GPC5: variants seen among roughly 807,000 people sequenced by gnomAD.
The protein encoded by GPC5 is glypican-5.
Under a neutral mutation model 53.9 loss-of-function variants are expected in GPC5, and 47 were observed. The ratio of observed to expected loss-of-function variants is 0.87; its 90% CI spans 0.69 to 1.11. The LOEUF (loss-of-function observed/expected upper bound fraction) is 1.11, where lower values mean the gene tolerates loss of function less well. Among genes scored for constraint, GPC5 ranks in the 50% most tolerant of loss-of-function variants. The pLI, the probability that GPC5 is intolerant of heterozygous loss-of-function variation, is 0.00. For missense variants in GPC5, 748 were observed against 713.1 expected (o/e 1.05, Z -0.56); for synonymous variants, 286 against 263.3 (o/e 1.09, Z -0.84).
chr13:91,584,068 T>G (rs77692227), intron 2 of GPC5, among the ~76,000 whole-genome samples: 1 of 152,018 alleles, frequency 6.6e-6, no homozygotes, highest in Non-Finnish European at 1.5e-5. Context: ...AAGTGGAAAT[T>G]GGGACACATG....
intron 7 of GPC5, among the ~76,000 whole-genome samples, chr13:92,405,968 A>G (rs1412976870): frequency 1.3e-5 from 2 of 152,168 alleles, no homozygotes; most frequent in Admixed American, 1.3e-4. Flanking sequence ...TACACACAAA[A>G]TAGATTGATA....
chr13:92,393,451 A>T lies in GPC5; in HGVS notation c.1561+248462A>T, dbSNP rs367948575. On this transcript the variant is annotated intron_variant, in intron 7 of 7. Transcript: ENST00000377067. Reference sequence around the variant, plus strand: ...GACCACCTGAGGACAGGAGTTCAAGACCAGCCTGGCCAACATGGCGAAACC... The same window carrying T: ...GACCACCTGAGGACAGGAGTTCAAGTCCAGCCTGGCCAACATGGCGAAACC... 2.2e-4 allele frequency among the ~76,000 whole-genome samples: 33 copies of T among 152,294 alleles called. No homozygotes were observed. In the East Asian group the frequency reaches 2.9e-3, roughly 13 times the overall value.
chr13:91,469,493 T>G (rs1882472390), intron 2 of GPC5, among the ~76,000 whole-genome samples: 1 of 151,560 alleles, frequency 6.6e-6, no homozygotes, highest in African/African-American at 2.4e-5. Flanking sequence ...TCTTGAACTC[T>G]TGAGCACCAG....
intron 7 of GPC5, among the ~76,000 whole-genome samples, chr13:92,253,612 A>G (rs1430639554): frequency 1.3e-5 from 2 of 152,196 alleles, no homozygotes; most frequent in African/African-American, 2.4e-5. Context: ...CATGTGTGCA[A>G]TAGAAGTCAT....
chr13:92,841,638 T>A (rs1443862411), intron 7 of GPC5, among the ~76,000 whole-genome samples: 3 of 152,150 alleles, frequency 2.0e-5, no homozygotes, highest in African/African-American at 7.2e-5. Context: ...TCCTCCTTAT[T>A]ATAAAATACC....
Position 92,430,999 on chromosome 13 carries a change from C to T in GPC5, c.1561+286010C>T, listed in dbSNP as rs138855126. On this transcript the variant is annotated intron_variant, in intron 7 of 7. Coordinates refer to ENST00000377067, the MANE Select transcript of GPC5 (RefSeq NM_004466.6). The stretch of plus-strand genomic sequence containing the variant: ...ATTTCTAGATTAGTAGTCTTTGATG[C>T]TGATGAGCACTATGCAATAGTTGTC... 1.3e-3 allele frequency among the ~76,000 whole-genome samples: 197 copies of T among 152,196 alleles called. 3 individuals are homozygous for T. Among genetic ancestry groups the T allele is most frequent in the Admixed American group, 0.011 (171 of 15,280 alleles).
chr13:92,538,357 C>A (rs1881794590), intron 7 of GPC5, among the ~76,000 whole-genome samples: 2 of 151,226 alleles, frequency 1.3e-5, no homozygotes, highest in South Asian at 4.2e-4. Flanking sequence ...CTACTCTTTT[C>A]TTTCTGTCTC....
Position 92,185,601 on chromosome 13 carries a change from T to A in GPC5, c.1561+40612T>A, listed in dbSNP as rs567292912. On this transcript the variant is annotated intron_variant, in intron 7 of 7. Transcript: ENST00000377067. ...TGAGGCTCTCCAGACCTATTTGAGC[T>A]CACAGAACCAGAAAATAATCTTATG... 1.2e-3 allele frequency among the ~76,000 whole-genome samples: 188 copies of A among 152,216 alleles called. 1 individual carries two copies. Among genetic ancestry groups the A allele is most frequent in the Non-Finnish European group, 2.2e-3 (150 of 67,986 alleles).
intron 1 of GPC5, among the ~76,000 whole-genome samples, chr13:91,418,356 G>A (rs980195077): frequency 6.6e-6 from 1 of 152,120 alleles, no homozygotes; most frequent in Non-Finnish European, 1.5e-5. Context: ...TCTTGGATTT[G>A]GCAAGTAAGA....
intron 2 of GPC5, among the ~76,000 whole-genome samples, chr13:91,472,059 C>T (rs7334294): frequency 0.014 from 2,177 of 152,178 alleles, 54 homozygotes; most frequent in African/African-American, 0.046. Context: ...TTAGTTCCTG[C>T]TCATTTCACT....
At chr13:92,008,922 C>T (rs2040635419) in intron 6 of GPC5, among the ~76,000 whole-genome samples, 1 of 152,016 alleles carries the variant, frequency 6.6e-6, no homozygotes, top group South Asian at 2.1e-4. Flanking sequence ...TCAAATTCAC[C>T]AATCTTTCCT....
At chr13:91,661,138 GAT>G (rs2034978276) in intron 2 of GPC5, among the ~76,000 whole-genome samples, 1 of 152,054 alleles carries the variant, frequency 6.6e-6, no homozygotes, top group Non-Finnish European at 1.5e-5. Context: ...TGGGTCCCCT[GAT>G]TCTTCCACAG....
intron 7 of GPC5, among the ~76,000 whole-genome samples, chr13:92,206,169 T>G (rs202035116): frequency 0.17 from 9,090 of 52,542 alleles, 387 homozygotes; most frequent in African/African-American, 0.3. Context: ...TTTTTTTTAT[T>G]TTTTTTTTTT....
intron 7 of GPC5, among the ~76,000 whole-genome samples, chr13:92,613,280 T>C (rs9523729): frequency 8.1e-6 from 1 of 123,106 alleles, no homozygotes; most frequent in African/African-American, 3.1e-5. Flanking sequence ...AATTATATAA[T>C]ATATATTTTA....
At chr13:91,673,632 C>CCGGTTT (rs1269396893) in intron 2 of GPC5, among the ~76,000 whole-genome samples, 7 of 152,130 alleles carry the variant, frequency 4.6e-5, no homozygotes, top group African/African-American at 7.2e-5. Flanking sequence ...GGAAATACCA[C>CCGGTTT]CACAGAGAAG....
chr13:91,886,528 T>C (rs946358346), intron 5 of GPC5, among the ~76,000 whole-genome samples: 9 of 152,160 alleles, frequency 5.9e-5, no homozygotes, highest in African/African-American at 1.9e-4. Flanking sequence ...AAGTCTACAG[T>C]CCAAAGTCTC....
rs187537876 is a variant in GPC5 at position 91,692,685 on chromosome 13, C to G, written c.326-502C>G. On this transcript the variant is annotated intron_variant, in intron 2 of 7. Coordinates refer to ENST00000377067, the MANE Select transcript of GPC5 (RefSeq NM_004466.6). Reference sequence around the variant, plus strand: ...TTGAGACAGAGTCTCACTCTGTCACCGAGGCTGGAGTGCAATGGTGCAATC... The same window carrying G: ...TTGAGACAGAGTCTCACTCTGTCACGGAGGCTGGAGTGCAATGGTGCAATC... Among the ~76,000 whole-genome samples the G allele has an allele frequency of 2.2e-4, 33 of 152,198 alleles. No homozygotes were observed. In the East Asian group the frequency reaches 5.4e-3, roughly 25 times the overall value.
chr13:91,596,185 G>A (rs1053634399), intron 2 of GPC5, among the ~76,000 whole-genome samples: 1 of 151,920 alleles, frequency 6.6e-6, no homozygotes, highest in Admixed American at 6.6e-5. Context: ...AATTAATAAA[G>A]CAATGTATCT....
chr13:92,189,596 C>T (rs930054835), intron 7 of GPC5, among the ~76,000 whole-genome samples: 2 of 152,148 alleles, frequency 1.3e-5, no homozygotes, highest in African/African-American at 4.8e-5. Context: ...CGTGCACACA[C>T]ACACACACAC....
Sources: gnomAD v4.1 joint callset for allele counts (sites outside exome capture counted in the v4.1 genomes callset) on GRCh38, gnomAD v4.1.1 for gene constraint, MANE v1.5 for transcripts, NCBI Gene and HGNC (gene_info 2026-07-23, HGNC 2026-07-21) for gene names.